Variants in PHLPP1 observed in about 807,000 individuals in gnomAD.
The protein encoded by PHLPP1 is PH domain and leucine rich repeat protein phosphatase 1, also known as PH domain leucine-rich repeat-containing protein phosphatase 1.
Under a neutral mutation model 117.2 loss-of-function variants are expected in PHLPP1, and 42 were observed. That is an observed-to-expected ratio of 0.36 (90% CI 0.28 to 0.46). The LOEUF (loss-of-function observed/expected upper bound fraction) is 0.46, where lower values mean the gene tolerates loss of function less well. PHLPP1 is among the 20% of genes least tolerant of loss of function. The probability of loss-of-function intolerance (pLI) is 1.00; values close to 1 mark genes in which losing one functional copy is unlikely to be tolerated. For missense variants in PHLPP1, 2,084 were observed against 2,241.9 expected, an observed-to-expected ratio of 0.93 and a Z score of 1.42; for synonymous variants, 1,042 against 970.7, an observed-to-expected ratio of 1.07 and a Z score of -1.37.
At chr18:62,779,164 C>T (rs951261261) in intron 1 of PHLPP1, among the ~76,000 whole-genome samples, 4 of 152,170 alleles carry the variant, frequency 2.6e-5, no homozygotes, top group African/African-American at 4.8e-5. Flanking sequence ...GCCTTGCTTC[C>T]GCTACTCTGC....
chr18:62,716,795 GCTC>G lies in PHLPP1; in HGVS notation c.1116_1118del (p.Ser376del), dbSNP rs1476445424. On this transcript the variant is annotated inframe_deletion, in exon 1 of 17. Coordinates refer to ENST00000262719, the MANE Select transcript of PHLPP1 (RefSeq NM_194449.4). This position sits in a 1 kb window ranked among gnomAD's most constrained non-coding sequence, Gnocchi z 5.7. The stretch of plus-strand genomic sequence containing the variant: ...TTGGACCCCTACAGCAGCGGCGGCG[GCTC>G]CTCGTCGTCGTCGGAAGAGCTCGAG... The G allele has an allele frequency of 2.0e-6, 3 of 1,525,972 alleles. No homozygotes were observed. Among genetic ancestry groups the G allele is most frequent in the South Asian group, 1.2e-5 (1 of 82,942 alleles). The allele number at this position is 1,525,972 out of a possible 1,614,324, so 94.5% of individuals were successfully genotyped here.
chr18:62,902,044 G>A (rs1208254825), intron 6 of PHLPP1, among the ~76,000 whole-genome samples: 4 of 152,112 alleles, frequency 2.6e-5, no homozygotes, highest in Admixed American at 2.0e-4. Context: ...CTAACAAACT[G>A]GAAATTGACA....
intron 12 of PHLPP1, among the ~76,000 whole-genome samples, chr18:62,950,580 T>C (rs1389723365): frequency 6.6e-6 from 1 of 151,994 alleles, no homozygotes; most frequent in Non-Finnish European, 1.5e-5. Flanking sequence ...AGAAAGTGGG[T>C]TGATTCTTGG....
rs117440400 is a variant in PHLPP1, at chr18:62,806,763, G to A, written c.1577-23272G>A. Among the ~76,000 whole-genome samples the A allele has an allele frequency of 1.7e-3, 258 of 152,162 alleles. 1 individual carries two copies. The highest frequency in any genetic ancestry group is 2.7e-3 in the Admixed American group (42 of 15,280). On this transcript the variant is annotated intron_variant, in intron 1 of 16. Transcript: ENST00000262719. Reference sequence around the variant, plus strand: ...ACATAATTTTCTATTTATCTACATGGAACTTTGTCTCAGATAGTATGAGAT... The same window carrying A: ...ACATAATTTTCTATTTATCTACATGAAACTTTGTCTCAGATAGTATGAGAT...
intron 1 of PHLPP1, among the ~76,000 whole-genome samples, chr18:62,748,712 A>G (rs1380989688): frequency 2.6e-5 from 4 of 151,898 alleles, no homozygotes; most frequent in African/African-American, 7.3e-5. Flanking sequence ...TTTTTCCTTT[A>G]TGGTCTTACT....
intron 2 of PHLPP1, among the ~76,000 whole-genome samples, chr18:62,830,467 G>A (rs921089757): frequency 4.6e-5 from 7 of 152,142 alleles, no homozygotes; most frequent in African/African-American, 9.7e-5. Context: ...GACCTCAAGT[G>A]ATCTGCCCAC....
At chr18:62,837,230 G>A (rs537364040) in intron 2 of PHLPP1, among the ~76,000 whole-genome samples, 14 of 152,280 alleles carry the variant, frequency 9.2e-5, no homozygotes, top group South Asian at 2.1e-4. Flanking sequence ...GGGCTCAAGC[G>A]ATCTGTCCCT....
At chr18:62,915,961 G>C (rs192752404) in intron 9 of PHLPP1, among the ~76,000 whole-genome samples, 1 of 152,268 alleles carries the variant, frequency 6.6e-6, no homozygotes, top group East Asian at 1.9e-4. Context: ...GTTATTTTTA[G>C]CTATGTGTAG....
chr18:62,822,273 T>G (rs888161770), intron 1 of PHLPP1, among the ~76,000 whole-genome samples: 28 of 144,216 alleles, frequency 1.9e-4, no homozygotes, highest in Non-Finnish European at 3.1e-4. Context: ...GTGTTTTTTT[T>G]TTTTTTGTTT....
At chr18:62,796,346 G>T (rs1913631139) in intron 1 of PHLPP1, among the ~76,000 whole-genome samples, 1 of 152,242 alleles carries the variant, frequency 6.6e-6, no homozygotes, top group Non-Finnish European at 1.5e-5. Context: ...GAGGTCAGTA[G>T]AGAGAGTAAG....
intron 10 of PHLPP1, among the ~76,000 whole-genome samples, chr18:62,921,657 A>G (rs9950717): frequency 0.05 from 7,592 of 152,326 alleles, 638 homozygotes; most frequent in African/African-American, 0.17. Context: ...AATAAATGAT[A>G]GAGAATTTAA....
At chr18:62,763,833 C>T (rs1912347499) in intron 1 of PHLPP1, among the ~76,000 whole-genome samples, 1 of 152,056 alleles carries the variant, frequency 6.6e-6, no homozygotes, top group Non-Finnish European at 1.5e-5. Flanking sequence ...TCTGTCTCTT[C>T]AGTTGGTAAA....
chr18:62,789,383 A>G (rs1472008168), intron 1 of PHLPP1, among the ~76,000 whole-genome samples: 1 of 152,188 alleles, frequency 6.6e-6, no homozygotes, highest in Non-Finnish European at 1.5e-5. Flanking sequence ...TATTGATCAA[A>G]TGACAGATTT....
chr18:62,915,562 C>T (rs1380880725), intron 9 of PHLPP1, among the ~76,000 whole-genome samples: 1 of 152,128 alleles, frequency 6.6e-6, no homozygotes, highest in African/African-American at 2.4e-5. Flanking sequence ...ATAATTTTCA[C>T]TTCAATGGCA....
chr18:62,961,526 A>G (rs1166454638), intron 13 of PHLPP1, among the ~76,000 whole-genome samples: 2 of 152,192 alleles, frequency 1.3e-5, no homozygotes, highest in Admixed American at 1.3e-4. Flanking sequence ...AAAATTATAA[A>G]TGCCTTTAAA....
intron 10 of PHLPP1, among the ~76,000 whole-genome samples, chr18:62,938,994 C>CTT (rs1555683300): frequency 3.9e-5 from 5 of 128,678 alleles, no homozygotes; most frequent in African/African-American, 1.5e-4. Flanking sequence ...TTCTTTCTTT[C>CTT]TTTTTTTTTT....
At chr18:62,954,688 A>G (rs1304722084) in intron 12 of PHLPP1, among the ~76,000 whole-genome samples, 1 of 152,210 alleles carries the variant, frequency 6.6e-6, no homozygotes, top group East Asian at 1.9e-4. Context: ...CTTATCTGCC[A>G]TTAAAGAAAA....
At chr18:62,885,635 G>A (rs1916267771) in intron 4 of PHLPP1, among the ~76,000 whole-genome samples, 1 of 152,162 alleles carries the variant, frequency 6.6e-6, no homozygotes, top group Admixed American at 6.5e-5. Context: ...ACTCCAGCAT[G>A]GGTGACAGAG....
At position 62,862,078 on chromosome 18, in the gene PHLPP1, CT is replaced by C. The variant is rs879821862; in HGVS notation, c.2066+1488del. ...CACATTTGTTAATATCACCACTGAT[CT>C]TTTTTTTTTTCTTTTTTTGAGATGG... is the stretch of plus-strand genomic sequence containing the variant. On this transcript the variant is annotated intron_variant, in intron 4 of 16. Coordinates refer to ENST00000262719, the MANE Select transcript of PHLPP1 (RefSeq NM_194449.4). 1.4e-3 allele frequency among the ~76,000 whole-genome samples: 202 copies of C among 147,338 alleles called. 1 individual carries two copies. Among genetic ancestry groups the C allele is most frequent in the East Asian group, 5.1e-3 (26 of 5,088 alleles).
Sources: gnomAD v4.1 joint callset for allele counts (sites outside exome capture counted in the v4.1 genomes callset) on GRCh38, gnomAD v4.1.1 for gene constraint, Gnocchi (gnomAD v3.1) non-coding constraint, MANE v1.5 for transcripts, NCBI Gene and HGNC (gene_info 2026-07-23, HGNC 2026-07-21) for gene names.